Variants in UBXN2A observed in about 807,000 individuals in gnomAD.
UBXN2A encodes UBX domain-containing protein 2A.
A neutral mutation model predicts 28.4 loss-of-function variants in UBXN2A; 28 were observed. The ratio of observed to expected loss-of-function variants is 0.99; its 90% CI spans 0.73 to 1.35. UBXN2A has a LOEUF of 1.35. Ranked by LOEUF, UBXN2A falls within the 40% of genes most tolerant of loss-of-function variation. UBXN2A has a pLI of 0.00. For missense variants in UBXN2A, 253 were observed against 297.9 expected (o/e 0.85, Z 1.11); for synonymous variants, 97 against 103.6 (o/e 0.94, Z 0.39).
intron 2 of UBXN2A, among the ~76,000 whole-genome samples, chr2:23,962,498 C>G (rs894867747): frequency 4.6e-5 from 7 of 152,022 alleles, no homozygotes; most frequent in Admixed American, 2.0e-4. Flanking sequence ...TAGCAAAAAA[C>G]TAATAATCAT....
chr2:23,977,105 T>C (rs767656404), intron 4 of UBXN2A, 30 bp downstream of exon 4: 5 of 1,574,658 alleles, frequency 3.2e-6, no homozygotes, highest in Admixed American at 3.4e-5. Context: ...AGGTCAAGCC[T>C]GTAAACCCAA....
At chr2:23,948,444 G>C (rs1200687578) in intron 1 of UBXN2A, among the ~76,000 whole-genome samples, 2 of 151,408 alleles carry the variant, frequency 1.3e-5, no homozygotes, top group African/African-American at 4.9e-5. Flanking sequence ...GTAGAGACAG[G>C]GTTTCACCAT....
At position 24,004,309 on chromosome 2, in the gene UBXN2A, T is replaced by G. The variant is rs1228690063; in HGVS notation, c.*4442T>G. ...GCATACAATTTGACCTAAGCAATTGTTTCAAAACTGTCTTCAGTTTCTTGA... is the reference window on the plus strand; with the variant it reads ...GCATACAATTTGACCTAAGCAATTGGTTCAAAACTGTCTTCAGTTTCTTGA... On this transcript the variant is annotated 3_prime_UTR_variant, in exon 7 of 7. Transcript: ENST00000309033. 6.6e-6 allele frequency: 1 copy of G among 152,224 alleles called. No homozygotes were observed. The highest frequency in any genetic ancestry group is 1.9e-4 in the East Asian group (1 of 5,200). The allele number at this position is 152,224 out of a possible 1,614,324, so 9.4% of individuals were successfully genotyped here.
At chr2:23,952,533 C>T (rs1373545373) in intron 1 of UBXN2A, among the ~76,000 whole-genome samples, 2 of 152,118 alleles carry the variant, frequency 1.3e-5, no homozygotes, top group African/African-American at 4.8e-5. Flanking sequence ...CAATCTCCAC[C>T]TCCCGGGTTC....
intron 2 of UBXN2A, chr2:23,968,786 G>A (rs116728742): frequency 0.039 from 5,890 of 151,730 alleles, 111 homozygotes; most frequent in South Asian, 0.048. Context: ...TTGAGAAATC[G>A]TATTTCTGTA....
At chr2:23,990,361 C>G (rs773424028) in intron 6 of UBXN2A, among the ~76,000 whole-genome samples, 2 of 151,756 alleles carry the variant, frequency 1.3e-5, no homozygotes, top group Non-Finnish European at 2.9e-5. Context: ...GGACAACCTG[C>G]TCTGTTGTGA....
chr2:23,951,020 G>A (rs2150817767), intron 1 of UBXN2A, among the ~76,000 whole-genome samples: 1 of 152,118 alleles, frequency 6.6e-6, no homozygotes, highest in Middle Eastern at 3.4e-3. Flanking sequence ...ATATATTTAT[G>A]GGATACATTG....
intron 1 of UBXN2A, among the ~76,000 whole-genome samples, chr2:23,934,018 C>A (rs1423483064): frequency 3.3e-5 from 5 of 152,110 alleles, no homozygotes; most frequent in Non-Finnish European, 7.4e-5. Flanking sequence ...GAGATTGAGA[C>A]CAGCCTGGCC....
intron 1 of UBXN2A, among the ~76,000 whole-genome samples, chr2:23,935,035 A>G (rs1465526050): frequency 1.3e-5 from 2 of 152,190 alleles, no homozygotes; most frequent in Non-Finnish European, 2.9e-5. Flanking sequence ...AGATCGCACC[A>G]CTGCACTCCA....
At chr2:23,995,997 C>T (rs1037972226) in intron 6 of UBXN2A, among the ~76,000 whole-genome samples, 3 of 150,906 alleles carry the variant, frequency 2.0e-5, no homozygotes, top group Non-Finnish European at 4.4e-5. Context: ...CTCCCAGGTT[C>T]GAGCAATTCT....
chr2:23,982,903 C>T lies in UBXN2A; in HGVS notation c.295C>T (p.Pro99Ser), dbSNP rs201465150. The T allele has an allele frequency of 1.9e-6, 3 of 1,600,012 alleles. No homozygotes were observed. The South Asian group carries it at 3.4e-5, about 18-fold the overall frequency. Residue 99 changes from proline (P) to serine (S), a missense_variant, in exon 5 of 7, where the codon CCT (proline) becomes TCT (serine). Coordinates refer to ENST00000309033, the MANE Select transcript of UBXN2A (RefSeq NM_181713.4). ...CTTTCTTTGTTTTCCAAGGGAATTA[C>T]CTTCAGAATTACAGGGAATTTTTGA... ...FLNSIKKGEL[P>S]SELQGIFDKE...
intron 6 of UBXN2A, among the ~76,000 whole-genome samples, chr2:23,998,824 C>CAACCTTCGTCTCCCGG (rs1708640897): frequency 6.6e-6 from 1 of 152,026 alleles, no homozygotes; most frequent in Non-Finnish European, 1.5e-5. Context: ...TCGTCTCCCG[C>CAACCTTCGTCTCCCGG]GATCAACCTT....
At chr2:23,943,897 A>T in intron 1 of UBXN2A, 1 of 406,552 alleles carries the variant, frequency 2.5e-6, no homozygotes, top group Non-Finnish European at 4.9e-6. Context: ...CTCCGAGCGC[A>T]CTTTAGCCCT....
At chr2:23,955,921 G>A (rs1198830210) in intron 1 of UBXN2A, among the ~76,000 whole-genome samples, 29 of 152,220 alleles carry the variant, frequency 1.9e-4, no homozygotes, top group Admixed American at 1.8e-3. Context: ...CTGGAGTGCT[G>A]CGACGCAGTC....
intron 3 of UBXN2A, among the ~76,000 whole-genome samples, chr2:23,974,016 ATTT>A (rs71395170): frequency 1.4e-5 from 2 of 140,440 alleles, no homozygotes. Flanking sequence ...AAAATGATTA[ATTT>A]TTTTTTTTTT....
chr2:23,998,334 G>T (rs1026991283), intron 6 of UBXN2A, among the ~76,000 whole-genome samples: 1 of 152,140 alleles, frequency 6.6e-6, no homozygotes, highest in Non-Finnish European at 1.5e-5. Context: ...CTTGTTTTGT[G>T]TAATTTCTAG....
chr2:23,999,961 A>G lies in UBXN2A; in HGVS notation c.*94A>G. 1 of 1,318,476 alleles carries G rather than the reference A, an allele frequency of 7.6e-7. No individual in the cohort carries two copies. Among genetic ancestry groups the G allele is most frequent in the Non-Finnish European group, 1.1e-6 (1 of 951,892 alleles). The allele number at this position is 1,318,476 out of a possible 1,614,324, so 81.7% of individuals were successfully genotyped here. A position where few individuals can be genotyped will look rare whatever the true frequency, so the allele number is the denominator to read the frequency against. The stretch of plus-strand genomic sequence containing the variant: ...GGGGATTGGAGAAGTCAGACTCACT[A>G]GACTTTTGGTTCGAGTACTATTGAA... On this transcript the variant is annotated 3_prime_UTR_variant, in exon 7 of 7. Transcript: ENST00000309033.
chr2:23,950,688 G>A (rs1029337842), intron 1 of UBXN2A, among the ~76,000 whole-genome samples: 1 of 151,774 alleles, frequency 6.6e-6, no homozygotes, highest in Non-Finnish European at 1.5e-5. Flanking sequence ...ACAGGCATGA[G>A]CCTCTGCGCC....
chr2:23,969,334 TGCGATAA>T (rs1434584879), intron 2 of UBXN2A, among the ~76,000 whole-genome samples: 1 of 152,098 alleles, frequency 6.6e-6, no homozygotes, highest in Non-Finnish European at 1.5e-5. Context: ...CCCAGGAGTT[TGCGATAA>T]GCCTGGACAG....
Sources: allele counts gnomAD v4.1 joint callset (sites outside exome capture counted in the v4.1 genomes callset), GRCh38; gene constraint gnomAD v4.1.1; transcripts MANE v1.5; gene names NCBI Gene and HGNC (gene_info 2026-07-23, HGNC 2026-07-21).